MLLT1: variants seen among roughly 807,000 people sequenced by gnomAD.
MLLT1 encodes the protein protein ENL.
In MLLT1, 11 loss-of-function variants were observed where a neutral mutation model predicts 55.1. The observed-to-expected ratio is 0.20, with a 90% CI of 0.13 to 0.33. The LOEUF (loss-of-function observed/expected upper bound fraction) is 0.33, where lower values mean the gene tolerates loss of function less well. Ranked by LOEUF, MLLT1 falls within the 10% of genes least tolerant of loss-of-function variation. The pLI is 1.00. For synonymous variants in MLLT1, 323 were observed against 320.1 expected (o/e 1.01, Z -0.10); for missense variants, 536 against 760.6 (o/e 0.70, Z 3.47).
intron 6 of MLLT1, among the ~76,000 whole-genome samples, chr19:6,221,103 G>A (rs1007085234): frequency 9.2e-5 from 14 of 152,116 alleles, no homozygotes; most frequent in Middle Eastern, 3.2e-3. Flanking sequence ...TAACCCCCTC[G>A]GGCTTTGTGG....
At chr19:6,220,201 C>T in intron 6 of MLLT1, among the ~76,000 whole-genome samples, 1 of 152,232 alleles carries the variant, frequency 6.6e-6, no homozygotes, top group Non-Finnish European at 1.5e-5. Flanking sequence ...CACACAGCCT[C>T]TGGGGAGGAG....
At position 6,216,496 on chromosome 19, in the gene MLLT1, C is replaced by T; in HGVS notation, c.1216G>A (p.Val406Met). 1 of 1,599,952 alleles carries T rather than the reference C, an allele frequency of 6.3e-7. No individual in the cohort carries two copies. The highest frequency in any genetic ancestry group is 8.5e-7 in the Non-Finnish European group (1 of 1,174,194). Reference protein sequence around the residue: ...NHSQGPLRSMVEDLQSEESDE... With the variant: ...NHSQGPLRSMMEDLQSEESDE... ...GACTCCTCGGACTGCAGGTCCTCCA[C>T]CATGGAGCGCAGGGGTCCTGGGGAG... Residue 406 changes from valine (V) to methionine (M), a missense_variant, in exon 8 of 12, where the codon GTG becomes ATG. By Grantham distance (21) the Val-to-Met change is conservative. This residue lies in a region of MLLT1 where 449 missense variants were observed against 489.0 expected (regional missense o/e 0.92). Coordinates refer to ENST00000252674, the MANE Select transcript of MLLT1 (RefSeq NM_005934.4).
chr19:6,227,177 T>TGG lies in MLLT1; in HGVS notation c.421-77_421-76dup. ...CCCACACGGGCCGGGCTGAAGGTGGTGGGGCTTCCCTCTGCAGGAGGGGAG... is the reference window on the plus strand; with the variant it reads ...CCCACACGGGCCGGGCTGAAGGTGGTGGGGGGCTTCCCTCTGCAGGAGGGGAG... On this transcript the variant is annotated intron_variant, in intron 4 of 11. Coordinates refer to ENST00000252674, the MANE Select transcript of MLLT1 (RefSeq NM_005934.4). This position sits in a 1 kb window ranked among gnomAD's most constrained non-coding sequence, Gnocchi z 5.1. 2 of 1,478,606 alleles carry TGG rather than the reference T, an allele frequency of 1.4e-6. No individual in the cohort carries two copies. Among genetic ancestry groups the TGG allele is most frequent in the Non-Finnish European group, 1.8e-6 (2 of 1,101,276 alleles). The allele number at this position is 1,478,606 out of a possible 1,614,324, so 91.6% of individuals were successfully genotyped here.
chr19:6,214,855 G>A (rs3827013), intron 8 of MLLT1, among the ~76,000 whole-genome samples: 2,481 of 152,284 alleles, frequency 0.016, 31 homozygotes, highest in East Asian at 0.03. Flanking sequence ...CGGACTTCCC[G>A]GTGGGCAGCA....
intron 3 of MLLT1, chr19:6,259,035 C>A (rs2091281540): frequency 6.6e-6 from 1 of 152,296 alleles, no homozygotes; most frequent in African/African-American, 2.4e-5. Context: ...TATGGATAGA[C>A]AAACTGAGGC....
chr19:6,252,916 C>T (rs749828509), intron 3 of MLLT1, among the ~76,000 whole-genome samples: 2 of 151,946 alleles, frequency 1.3e-5, no homozygotes, highest in Non-Finnish European at 2.9e-5. Flanking sequence ...CAACTATATG[C>T]CAGCTAGATA....
At chr19:6,213,905 T>C (rs1466176978) in intron 9 of MLLT1, 34 bp downstream of exon 9, 1 of 1,486,434 alleles carries the variant, frequency 6.7e-7, no homozygotes, top group African/African-American at 1.4e-5. Flanking sequence ...GCCCGGCCTC[T>C]GGTGCACCCC....
At chr19:6,258,282 T>C (rs10418789) in intron 3 of MLLT1, among the ~76,000 whole-genome samples, 3,396 of 152,166 alleles carry the variant, frequency 0.022, 140 homozygotes, top group African/African-American at 0.078. Context: ...CAGAAAATGG[T>C]ATAGCTGTCC....
chr19:6,248,850 G>A (rs551049840), intron 3 of MLLT1, among the ~76,000 whole-genome samples: 3 of 152,150 alleles, frequency 2.0e-5, no homozygotes, highest in Non-Finnish European at 4.4e-5. Context: ...AGGGAGGTTG[G>A]GTTGTGGGGG....
rs2090993420 is a variant in MLLT1 at position 6,230,026 on chromosome 19, A to C, written c.420+544T>G. 2.0e-5 allele frequency among the ~76,000 whole-genome samples: 3 copies of C among 148,574 alleles called. No individual in the cohort carries two copies. The highest frequency in any genetic ancestry group is 4.3e-4 in the South Asian group (2 of 4,636). ...CTCCACGCCCCCCTCCTCCATAACC[A>C]CCACCAGCCCTGCGCCCACCCTGTT... On this transcript the variant is annotated intron_variant, in intron 4 of 11. Transcript: ENST00000252674. The surrounding 1 kb of genome is among the most constrained non-coding windows in gnomAD (Gnocchi z 9.0).
At chr19:6,261,759 C>T (rs533635559) in intron 3 of MLLT1, among the ~76,000 whole-genome samples, 1 of 151,998 alleles carries the variant, frequency 6.6e-6, no homozygotes, top group Non-Finnish European at 1.5e-5. Flanking sequence ...CTCCTTTTTC[C>T]TTCAAGTATT....
rs2091407942 is a variant in MLLT1, at chr19:6,273,156, G to A, written c.13-2397C>T. Reference sequence around the variant, plus strand: ...AAGTGGCTGACAGATATGGGAAACGGTCTCGGAGTCAAAAGCCCCCGGCCC... The same window carrying A: ...AAGTGGCTGACAGATATGGGAAACGATCTCGGAGTCAAAAGCCCCCGGCCC... On this transcript the variant is annotated intron_variant, in intron 1 of 11. Coordinates refer to ENST00000252674, the MANE Select transcript of MLLT1 (RefSeq NM_005934.4). The surrounding 1 kb of genome is among the most constrained non-coding windows in gnomAD (Gnocchi z 4.3). 6.6e-6 allele frequency among the ~76,000 whole-genome samples: 1 copy of A among 152,040 alleles called. No homozygotes were observed. The highest frequency in any genetic ancestry group is 2.4e-5 in the African/African-American group (1 of 41,390).
At chr19:6,252,069 C>T (rs1568290408) in intron 3 of MLLT1, among the ~76,000 whole-genome samples, 1 of 152,200 alleles carries the variant, frequency 6.6e-6, no homozygotes, top group Admixed American at 6.5e-5. Context: ...AGGGAAGACT[C>T]GCCCTCAGTG....
In MLLT1 at chr19:6,270,891, C is replaced by T; in HGVS notation, c.13-132G>A. Reference sequence around the variant, plus strand: ...CGCTCTCAACCCAGTGAGCAGCACACAGACGGCTTCCTATCGCGCCAGCAC... The same window carrying T: ...CGCTCTCAACCCAGTGAGCAGCACATAGACGGCTTCCTATCGCGCCAGCAC... On this transcript the variant is annotated intron_variant, in intron 1 of 11. Transcript: ENST00000252674. The surrounding 1 kb of genome is among the most constrained non-coding windows in gnomAD (Gnocchi z 7.1). The T allele has an allele frequency of 1.2e-6, 1 of 851,654 alleles. No homozygotes were observed. Among genetic ancestry groups the T allele is most frequent in the Non-Finnish European group, 1.7e-6 (1 of 572,810 alleles). The allele number at this position is 851,654 out of a possible 1,614,324, so 52.8% of individuals were successfully genotyped here.
At position 6,240,174 on chromosome 19, in the gene MLLT1, C is replaced by T. The variant is rs549054186; in HGVS notation, c.277-9461G>A. On this transcript the variant is annotated intron_variant, in intron 3 of 11. Transcript: ENST00000252674. This position sits in a 1 kb window ranked among gnomAD's most constrained non-coding sequence, Gnocchi z 4.7. ...GGCAGCATTAGCCCAGGCCCCTTCA[C>T]GCCTGCCTGACCGCTCAGCCTGGGA... 1.8e-4 allele frequency among the ~76,000 whole-genome samples: 27 copies of T among 152,342 alleles called. No individual in the cohort carries two copies. The South Asian group carries it at 5.4e-3, about 30-fold the overall frequency.
rs540796491 is a variant in MLLT1, at chr19:6,211,152, G to A, written c.*1890C>T. The A allele has an allele frequency of 3.1e-3, 722 of 232,696 alleles. 3 individuals carry two copies. The highest frequency in any genetic ancestry group is 8.6e-3 in the African/African-American group (392 of 45,452). 14.4% of individuals were successfully genotyped at this position (232,696 alleles called of 1,614,324 possible). A position where few individuals can be genotyped will look rare whatever the true frequency, so the allele number is the denominator to read the frequency against. ...TTGTGCGTAGAGCTCCCAGCAGCAC[G>A]GGCCCCCGGTCAGCCCCCCTCAGGC... On this transcript the variant is annotated 3_prime_UTR_variant, in exon 12 of 12. Coordinates refer to ENST00000252674, the MANE Select transcript of MLLT1 (RefSeq NM_005934.4). The surrounding 1 kb of genome is among the most constrained non-coding windows in gnomAD (Gnocchi z 4.6).
chr19:6,276,794 G>A (rs557478963), intron 1 of MLLT1, among the ~76,000 whole-genome samples: 2 of 152,304 alleles, frequency 1.3e-5, no homozygotes, highest in South Asian at 2.1e-4. Flanking sequence ...GACTTGGGGC[G>A]GAGGGGGAAT....
chr19:6,269,304 C>T lies in MLLT1; in HGVS notation c.193+1275G>A, dbSNP rs570705825. On this transcript the variant is annotated intron_variant, in intron 2 of 11. Coordinates refer to ENST00000252674, the MANE Select transcript of MLLT1 (RefSeq NM_005934.4). ...CCCCGTCTGCAGAAGAGGGCTGTGG[C>T]GAGAAGAAAACGCGATCCTGCGCAC... 1.5e-4 allele frequency among the ~76,000 whole-genome samples: 23 copies of T among 152,316 alleles called. 2 individuals are homozygous for T. The highest frequency in any genetic ancestry group is 5.8e-4 in the East Asian group (3 of 5,160).
intron 3 of MLLT1, among the ~76,000 whole-genome samples, chr19:6,252,836 C>A (rs746620015): frequency 6.6e-6 from 1 of 151,988 alleles, no homozygotes. Context: ...ACATAAATAA[C>A]CCACATCAGA....
Sources: allele counts gnomAD v4.1 joint callset (sites outside exome capture counted in the v4.1 genomes callset), GRCh38; gene constraint gnomAD v4.1.1; regional missense constraint gnomAD v4.1.1; non-coding constraint Gnocchi (gnomAD v3.1); transcripts MANE v1.5; gene names NCBI Gene and HGNC (gene_info 2026-07-23, HGNC 2026-07-21).